Variants in EMCN observed in about 807,000 individuals in gnomAD.
EMCN encodes MUC-14.
EMCN carries 37 observed loss-of-function variants against 38.4 expected under a neutral mutation model. The ratio of observed to expected loss-of-function variants is 0.96; its 90% CI spans 0.74 to 1.27. The LOEUF (loss-of-function observed/expected upper bound fraction) is 1.27. EMCN is among the 50% of genes most tolerant of loss of function. The pLI is 0.00. For synonymous variants in EMCN, 95 were observed against 100.8 expected (o/e 0.94, Z 0.35); for missense variants, 318 against 302.8 (o/e 1.05, Z -0.37).
intron 1 of EMCN, among the ~76,000 whole-genome samples, chr4:100,499,089 CTATT>C (rs1422792782): frequency 1.2e-4 from 18 of 151,772 alleles, no homozygotes; most frequent in African/African-American, 3.6e-4. Flanking sequence ...ATAAAAAAAT[CTATT>C]TATCTTGTAA....
At chr4:100,503,574 C>G (rs1364372307) in intron 1 of EMCN, among the ~76,000 whole-genome samples, 1 of 151,796 alleles carries the variant, frequency 6.6e-6, no homozygotes, top group Non-Finnish European at 1.5e-5. Flanking sequence ...TTTCACCAAT[C>G]TACTTTTTTA....
intron 4 of EMCN, among the ~76,000 whole-genome samples, chr4:100,452,797 C>A (rs1441857307): frequency 6.6e-6 from 1 of 152,000 alleles, no homozygotes; most frequent in Admixed American, 6.6e-5. Context: ...GCTACAGTAA[C>A]CAAAACAGCA....
At chr4:100,437,092 A>G (rs1308676148) in intron 5 of EMCN, among the ~76,000 whole-genome samples, 1 of 152,174 alleles carries the variant, frequency 6.6e-6, no homozygotes, top group Non-Finnish European at 1.5e-5. Flanking sequence ...AAAATGTGTT[A>G]TCTTTTGACT....
chr4:100,418,172 G>C (rs1240197948), intron 8 of EMCN, among the ~76,000 whole-genome samples: 1 of 152,014 alleles, frequency 6.6e-6, no homozygotes, highest in African/African-American at 2.4e-5. Context: ...CCATCAGTAA[G>C]GTTTTAACAG....
intron 4 of EMCN, among the ~76,000 whole-genome samples, chr4:100,454,903 C>T (rs569015710): frequency 2.0e-5 from 3 of 152,158 alleles, no homozygotes; most frequent in Admixed American, 2.0e-4. Flanking sequence ...TATACCTTTT[C>T]CTGTCTTTTG....
intron 5 of EMCN, among the ~76,000 whole-genome samples, chr4:100,441,477 T>A (rs1727516095): frequency 1.3e-5 from 2 of 152,206 alleles, no homozygotes; most frequent in South Asian, 4.1e-4. Context: ...GTCTTTTAAC[T>A]AGAGAAATTA....
intron 1 of EMCN, among the ~76,000 whole-genome samples, chr4:100,515,825 C>T (rs1249066693): frequency 6.6e-6 from 1 of 151,758 alleles, no homozygotes; most frequent in Non-Finnish European, 1.5e-5. Context: ...TTCCCTGTGC[C>T]CAATCTGCAA....
At chr4:100,492,480 C>T (rs1179119567) in intron 1 of EMCN, among the ~76,000 whole-genome samples, 3 of 152,012 alleles carry the variant, frequency 2.0e-5, no homozygotes, top group African/African-American at 7.2e-5. Flanking sequence ...AGAAAAGAGA[C>T]AGCATATTTA....
chr4:100,425,136 A>C (rs1316841847), intron 5 of EMCN, among the ~76,000 whole-genome samples: 7 of 124,972 alleles, frequency 5.6e-5, no homozygotes, highest in African/African-American at 1.6e-4. Context: ...TTAAGAAATT[A>C]TTTCTGAATC....
At chr4:100,453,662 C>A (rs1727914689) in intron 4 of EMCN, among the ~76,000 whole-genome samples, 1 of 151,972 alleles carries the variant, frequency 6.6e-6, no homozygotes. Flanking sequence ...CCCAGCCATC[C>A]CATTACTGGG....
intron 5 of EMCN, among the ~76,000 whole-genome samples, chr4:100,443,598 C>G (rs1187480060): frequency 1.3e-5 from 2 of 152,232 alleles, no homozygotes; most frequent in African/African-American, 4.8e-5. Flanking sequence ...GCAACCATAG[C>G]AGCACTGGGA....
At chr4:100,442,649 G>C (rs1727556914) in intron 5 of EMCN, among the ~76,000 whole-genome samples, 1 of 151,814 alleles carries the variant, frequency 6.6e-6, no homozygotes, top group African/African-American at 2.4e-5. Context: ...GATCTCGTCT[G>C]CTCTTGAAGT....
intron 4 of EMCN, among the ~76,000 whole-genome samples, chr4:100,454,503 C>G (rs929310260): frequency 6.6e-6 from 1 of 152,130 alleles, no homozygotes; most frequent in African/African-American, 2.4e-5. Context: ...GACTCCCTGA[C>G]CCCCTACTCC....
rs1021478658 is a variant in EMCN at position 100,440,899 on chromosome 4, C to T, written c.415+6634G>A. Among the ~76,000 whole-genome samples the T allele has an allele frequency of 3.3e-5, 5 of 151,876 alleles. No homozygotes were observed. The South Asian group carries it at 1.0e-3, about 32-fold the overall frequency. On this transcript the variant is annotated intron_variant, in intron 5 of 11. Transcript: ENST00000296420. ...AGGAGATTGAGACCATCCTGGCTAA[C>T]ATGGTGAAACCCCGTCTTGACTAAA...
intron 4 of EMCN, 80 bp downstream of exon 4, chr4:100,465,343 G>A: frequency 1.3e-6 from 1 of 759,598 alleles, no homozygotes. Context: ...TTCCTTGGCA[G>A]TTGTATGCTG....
intron 1 of EMCN, among the ~76,000 whole-genome samples, chr4:100,487,649 G>A (rs11935621): frequency 0.19 from 28,445 of 152,072 alleles, 2,975 homozygotes; most frequent in Middle Eastern, 0.31. Context: ...GACAGTGAGT[G>A]AGTCTCATGA....
At chr4:100,481,082 C>T (rs560167003) in intron 1 of EMCN, among the ~76,000 whole-genome samples, 5 of 152,084 alleles carry the variant, frequency 3.3e-5, no homozygotes, top group South Asian at 2.1e-4. Flanking sequence ...AAAATATTCA[C>T]GTCTATGGAA....
chr4:100,453,152 A>G (rs766888884), intron 4 of EMCN, among the ~76,000 whole-genome samples: 13 of 152,212 alleles, frequency 8.5e-5, no homozygotes, highest in Admixed American at 7.9e-4. Flanking sequence ...AGTGGCAACA[A>G]AAGCCAAAAT....
At position 100,417,160 on chromosome 4, in the gene EMCN, GT is replaced by G; in HGVS notation, c.665-20del. ...GGTGTGCCTAGGAGAAGAGGGAGTT[GT>G]TATTAGAGTTGCAAAGAAGTTGGCT... On this transcript the variant is annotated intron_variant, in intron 8 of 11. Transcript: ENST00000296420. 6.2e-7 allele frequency: 1 copy of G among 1,613,336 alleles called. No homozygotes were observed. The highest frequency in any genetic ancestry group is 1.1e-5 in the South Asian group (1 of 91,026).
Sources: allele counts gnomAD v4.1 joint callset (sites outside exome capture counted in the v4.1 genomes callset), GRCh38; gene constraint gnomAD v4.1.1; transcripts MANE v1.5; gene names NCBI Gene and HGNC (gene_info 2026-07-23, HGNC 2026-07-21).